The following DPP4 variants were observed in gnomAD, a reference collection of about 807,000 sequenced individuals.
The protein encoded by DPP4 is ADCP-2.
In DPP4, 93 loss-of-function variants were observed where a neutral mutation model predicts 122.4. That is an observed-to-expected ratio of 0.76 (90% CI 0.64 to 0.90). DPP4 has a LOEUF of 0.90. DPP4 is among the 40% of genes least tolerant of loss of function. DPP4 has a pLI of 0.00. For synonymous variants in DPP4, 321 were observed against 302.9 expected (o/e 1.06, Z -0.62); for missense variants, 914 against 907.3 (o/e 1.01, Z -0.09).
intron 23 of DPP4, among the ~76,000 whole-genome samples, chr2:162,003,819 A>G (rs1289720955): frequency 1.2e-4 from 19 of 152,226 alleles, no homozygotes; most frequent in African/African-American, 4.6e-4. Context: ...AGGCGAAGGC[A>G]AAGAATACAA....
intron 23 of DPP4, among the ~76,000 whole-genome samples, chr2:161,998,688 C>CT (rs138306753): frequency 0.012 from 1,885 of 151,492 alleles, 38 homozygotes; most frequent in East Asian, 0.099. Context: ...TTCTGGCTGC[C>CT]TTTTTTTTTC....
At chr2:161,999,861 C>A (rs993581866) in intron 23 of DPP4, among the ~76,000 whole-genome samples, 1 of 152,098 alleles carries the variant, frequency 6.6e-6, no homozygotes, top group Non-Finnish European at 1.5e-5. Context: ...TCATGGCAGG[C>A]ACAAGCACCT....
In DPP4 at chr2:162,024,889, A is replaced by C; in HGVS notation, c.938T>G (p.Leu313Trp). 1 of 1,613,968 alleles carries C rather than the reference A, an allele frequency of 6.2e-7. No homozygotes were observed. Among genetic ancestry groups the C allele is most frequent in the Non-Finnish European group, 8.5e-7 (1 of 1,180,016 alleles). ...VTWATQERIS[L>W]QWLRRIQNYS... ...GTTCTGAATCCTCCTGAGCCACTGC[A>C]AAGAAATTCTTTCTTGTGTTGCCCA... Residue 313 changes from leucine to tryptophan, a missense_variant, in exon 11 of 26, where the codon TTG becomes TGG. By Grantham distance (61) the Leu-to-Trp change is moderately conservative. Transcript: ENST00000360534.
chr2:162,026,014 T>C (rs984064303), intron 10 of DPP4, among the ~76,000 whole-genome samples: 1 of 152,128 alleles, frequency 6.6e-6, no homozygotes, highest in African/African-American at 2.4e-5. Context: ...ACTAATTATA[T>C]GTCCGTGGAA....
chr2:162,063,392 G>GTAA (rs1684848157), intron 2 of DPP4, among the ~76,000 whole-genome samples: 2 of 152,142 alleles, frequency 1.3e-5, no homozygotes, highest in African/African-American at 4.8e-5. Flanking sequence ...AATGGTATTT[G>GTAA]AGGCCATGGG....
chr2:162,016,955 T>C (rs1188851556), intron 17 of DPP4, 89 bp from the exon 18 acceptor site: 1 of 1,429,346 alleles, frequency 7.0e-7, no homozygotes, highest in African/African-American at 1.4e-5. Flanking sequence ...TGAAATTCAC[T>C]GATCGGACTA....
chr2:161,994,276 C>A (rs1473911811), intron 25 of DPP4, among the ~76,000 whole-genome samples: 1 of 152,234 alleles, frequency 6.6e-6, no homozygotes, highest in Non-Finnish European at 1.5e-5. Context: ...ACCATTTGAA[C>A]TGAGCACAGA....
rs1308391306 is a variant in DPP4 at position 162,039,039 on chromosome 2, G to T, written c.420-18C>A. 1 of 1,612,918 alleles carries T rather than the reference G, an allele frequency of 6.2e-7. No homozygotes were observed. The highest frequency in any genetic ancestry group is 1.3e-5 in the African/African-American group (1 of 74,822). On this transcript the variant is annotated intron_variant, in intron 6 of 25. Transcript: ENST00000360534. Reference sequence around the variant, plus strand: ...TCAGCTGCCTGGAAAAAAGATGAAAGGAAATATTATCAAAAAGAATAACTC... The same window carrying T: ...TCAGCTGCCTGGAAAAAAGATGAAATGAAATATTATCAAAAAGAATAACTC...
intron 5 of DPP4, among the ~76,000 whole-genome samples, chr2:162,041,343 C>T (rs1683980068): frequency 6.6e-6 from 1 of 152,016 alleles, no homozygotes; most frequent in Non-Finnish European, 1.5e-5. Context: ...GGAGTCTATT[C>T]TAGTGCAAGC....
chr2:162,032,251 G>A (rs1192297241), intron 10 of DPP4: 26 of 152,160 alleles, frequency 1.7e-4, no homozygotes, highest in Admixed American at 1.7e-3. Context: ...TAATCTGTAG[G>A]CCTCATTTTC....
intron 2 of DPP4, among the ~76,000 whole-genome samples, chr2:162,053,032 C>T (rs1320665843): frequency 2.0e-5 from 3 of 152,170 alleles, no homozygotes; most frequent in African/African-American, 7.2e-5. Context: ...TTTCTCCTGA[C>T]ATCCTATAGG....
chr2:162,017,217 A>G, intron 16 of DPP4, 62 bp from the exon 17 acceptor site: 3 of 1,419,960 alleles, frequency 2.1e-6, no homozygotes, highest in East Asian at 2.3e-5. Context: ...GATAGTATAG[A>G]TGACTTTTCA....
chr2:162,031,019 C>A (rs554628794), intron 10 of DPP4, among the ~76,000 whole-genome samples: 1 of 152,322 alleles, frequency 6.6e-6, no homozygotes, highest in East Asian at 1.9e-4. Flanking sequence ...GGAAAGACTT[C>A]GTCTCTTTGG....
intron 2 of DPP4, among the ~76,000 whole-genome samples, chr2:162,057,760 G>A (rs1364696909): frequency 2.0e-5 from 3 of 151,944 alleles, no homozygotes; most frequent in Non-Finnish European, 4.4e-5. Context: ...AAATCTCTCT[G>A]CTGAAATATC....
At chr2:162,011,545 A>G (rs1003455206) in intron 20 of DPP4, among the ~76,000 whole-genome samples, 1 of 151,342 alleles carries the variant, frequency 6.6e-6, no homozygotes, top group Admixed American at 6.6e-5. Flanking sequence ...ACATATGCCA[A>G]CTCCCTTTCT....
intron 19 of DPP4, among the ~76,000 whole-genome samples, chr2:162,013,247 G>C (rs1280545936): frequency 6.6e-6 from 1 of 151,756 alleles, no homozygotes; most frequent in Admixed American, 6.6e-5. Flanking sequence ...AGATCAAATC[G>C]TTACTTACTA....
At chr2:162,063,771 A>C (rs1457700699) in intron 2 of DPP4, among the ~76,000 whole-genome samples, 1 of 152,144 alleles carries the variant, frequency 6.6e-6, no homozygotes, top group Non-Finnish European at 1.5e-5. Flanking sequence ...CTCTTTAAGA[A>C]GTTTTGTGGT....
In DPP4 at chr2:161,993,427, C is replaced by T. The variant is rs934877565; in HGVS notation, c.2200-43G>A. On this transcript the variant is annotated intron_variant, in intron 25 of 25. Coordinates refer to ENST00000360534, the MANE Select transcript of DPP4 (RefSeq NM_001935.4). Reference sequence around the variant, plus strand: ...AGAAGTTAGAATTAGGAAGTCAGTACTCTTCTTAAAAAAAAAAATACGTAA... The same window carrying T: ...AGAAGTTAGAATTAGGAAGTCAGTATTCTTCTTAAAAAAAAAAATACGTAA... The T allele has an allele frequency of 5.2e-6, 7 of 1,357,156 alleles. No homozygotes were observed. In the Admixed American group the frequency reaches 5.4e-5, roughly 11 times the overall value. 84.1% of individuals were successfully genotyped at this position (1,357,156 alleles called of 1,614,324 possible).
intron 6 of DPP4, 27 bp from the exon 7 acceptor site, chr2:162,039,048 A>C (rs371084685): frequency 1.2e-6 from 2 of 1,612,910 alleles, no homozygotes; most frequent in African/African-American, 2.7e-5. Flanking sequence ...AGGAAATATT[A>C]TCAAAAAGAA....
Sources: allele counts gnomAD v4.1 joint callset (sites outside exome capture counted in the v4.1 genomes callset), GRCh38; gene constraint gnomAD v4.1.1; transcripts MANE v1.5; gene names NCBI Gene and HGNC (gene_info 2026-07-23, HGNC 2026-07-21).